FAM135B: variants seen among roughly 807,000 people sequenced by gnomAD.
The protein encoded by FAM135B is family with sequence similarity 135 member B.
Under a neutral mutation model 127.7 loss-of-function variants are expected in FAM135B, and 43 were observed. The observed-to-expected ratio is 0.34, with a 90% CI of 0.26 to 0.43. FAM135B has a LOEUF of 0.43. Among genes scored for constraint, FAM135B ranks in the 20% least tolerant of loss-of-function variants. The pLI is 1.00. For synonymous variants in FAM135B, 670 were observed against 665.1 expected (o/e 1.01, Z -0.11); for missense variants, 1,558 against 1,725.6 (o/e 0.90, Z 1.72).
chr8:138,491,167 A>AAAAAAAAAAAAAAAAAC (rs1564040507), intron 1 of FAM135B, among the ~76,000 whole-genome samples: 1 of 151,324 alleles, frequency 6.6e-6, no homozygotes, highest in African/African-American at 2.4e-5. Flanking sequence ...AAAGAAAGAA[A>AAAAAAAAAAAAAAAAAC]GAAAGAAAGA....
intron 7 of FAM135B, among the ~76,000 whole-genome samples, chr8:138,205,259 G>C (rs2129686980): frequency 6.6e-6 from 1 of 152,290 alleles, no homozygotes; most frequent in East Asian, 1.9e-4. Context: ...CCTTAAAAGG[G>C]TAAATAATGT....
Position 138,152,248 on chromosome 8 carries a change from T to C in FAM135B, c.2227A>G (p.Ile743Val), listed in dbSNP as rs2130762148. Reference protein sequence around the residue: ...TESNTSLPSGIQASLTSISSL... With the variant: ...TESNTSLPSGVQASLTSISSL... Reference sequence around the variant, plus strand: ...CTAATGGAGGTGAGAGAAGCCTGGATGCCGCTTGGCAAACTTGTGTTACTT... The same window carrying C: ...CTAATGGAGGTGAGAGAAGCCTGGACGCCGCTTGGCAAACTTGTGTTACTT... Residue 743 changes from isoleucine to valine, a missense_variant, in exon 13 of 20, where the codon ATC (isoleucine) becomes GTC (valine). Transcript: ENST00000395297. The C allele has an allele frequency of 6.2e-7, 1 of 1,614,154 alleles. No homozygotes were observed. The highest frequency in any genetic ancestry group is 8.5e-7 in the Non-Finnish European group (1 of 1,180,040).
intron 1 of FAM135B, among the ~76,000 whole-genome samples, chr8:138,369,625 A>G (rs935672325): frequency 6.6e-6 from 1 of 152,218 alleles, no homozygotes; most frequent in African/African-American, 2.4e-5. Flanking sequence ...CCATTTCCCA[A>G]TGAAGAGCCA....
intron 2 of FAM135B, among the ~76,000 whole-genome samples, chr8:138,357,919 G>A (rs1014257350): frequency 6.6e-6 from 1 of 152,108 alleles, no homozygotes; most frequent in Admixed American, 6.6e-5. Context: ...TAAACATGGT[G>A]TCCGTTAGTA....
rs2130564319 is a variant in FAM135B, at chr8:138,139,023, C to G, written c.3864G>C (p.Leu1288Phe). ...LQLTFRDNADLRKCFLYQLSQ... is the reference protein window; with the variant it reads ...LQLTFRDNADFRKCFLYQLSQ... ...TTAGTTGGTAGAGGAAACATTTGCG[C>G]AAATCAGCATTATCCCTGAAGGTCA... Residue 1288 changes from leucine to phenylalanine, a missense_variant, in exon 18 of 20, where the codon TTG becomes TTC. Transcript: ENST00000395297. The G allele has an allele frequency of 6.2e-7, 1 of 1,613,884 alleles. No homozygotes were observed. The highest frequency in any genetic ancestry group is 1.3e-5 in the African/African-American group (1 of 75,036).
intron 1 of FAM135B, among the ~76,000 whole-genome samples, chr8:138,423,434 A>C (rs1587416825): frequency 6.6e-6 from 1 of 152,154 alleles, no homozygotes; most frequent in Admixed American, 6.5e-5. Flanking sequence ...TACAAAAGAG[A>C]GAAATTTTAA....
chr8:138,446,999 T>G (rs1836206571), intron 1 of FAM135B, among the ~76,000 whole-genome samples: 1 of 152,136 alleles, frequency 6.6e-6, no homozygotes, highest in African/African-American at 2.4e-5. Context: ...GCGAAGGATA[T>G]GAACAGACAC....
At chr8:138,262,903 G>GAA (rs71316332) in intron 4 of FAM135B, among the ~76,000 whole-genome samples, 40,687 of 95,164 alleles carry the variant, frequency 0.43, 9,694 homozygotes, top group African/African-American at 0.51. Flanking sequence ...CTCTGTCTCA[G>GAA]AAAAAAAAAA....
chr8:138,173,468 T>C (rs1434200901), intron 11 of FAM135B, among the ~76,000 whole-genome samples: 1 of 152,162 alleles, frequency 6.6e-6, no homozygotes, highest in African/African-American at 2.4e-5. Context: ...TAAGATAAGT[T>C]ACTTAACCTC....
chr8:138,388,593 G>A (rs756538417), intron 1 of FAM135B, among the ~76,000 whole-genome samples: 2 of 152,166 alleles, frequency 1.3e-5, no homozygotes, highest in Admixed American at 6.5e-5. Context: ...CCATGTCGAG[G>A]CATGGAGGCA....
chr8:138,179,557 A>T (rs926951438), intron 9 of FAM135B, among the ~76,000 whole-genome samples: 1 of 152,168 alleles, frequency 6.6e-6, no homozygotes, highest in Non-Finnish European at 1.5e-5. Flanking sequence ...TCACCTTCGC[A>T]TAGTAAGTGT....
At position 138,465,814 on chromosome 8, in the gene FAM135B, G is replaced by A. The variant is rs912269674; in HGVS notation, c.-20+30857C>T. 4.1e-4 allele frequency among the ~76,000 whole-genome samples: 62 copies of A among 150,634 alleles called. 2 individuals are homozygous for A. The highest frequency in any genetic ancestry group is 3.3e-4 in the Admixed American group (5 of 15,074). Reference sequence around the variant, plus strand: ...TTTTTTTTAGATGGAGTCTCTCTCCGTTGCCCAGGCTGGAGTATGCAGTGG... The same window carrying A: ...TTTTTTTTAGATGGAGTCTCTCTCCATTGCCCAGGCTGGAGTATGCAGTGG... On this transcript the variant is annotated intron_variant, in intron 1 of 19. Transcript: ENST00000395297.
chr8:138,149,136 A>AAAAT (rs148497404), intron 13 of FAM135B, among the ~76,000 whole-genome samples: 92 of 127,706 alleles, frequency 7.2e-4, no homozygotes, highest in African/African-American at 2.3e-3. Flanking sequence ...TAATAATAAA[A>AAAAT]AAATAAATAA....
Position 138,132,388 on chromosome 8 carries a change from CAA to C in FAM135B, c.*203_*204del. Reference sequence around the variant, plus strand: ...CTCCAGGTAACTATACAAATTCAAGCAAAGTTTGTTGTCATTTAGTCTATTTG... The same window carrying C: ...CTCCAGGTAACTATACAAATTCAAGCAGTTTGTTGTCATTTAGTCTATTTG... On this transcript the variant is annotated 3_prime_UTR_variant, in exon 20 of 20. Coordinates refer to ENST00000395297, the MANE Select transcript of FAM135B (RefSeq NM_015912.4). The surrounding 1 kb of genome is among the most constrained non-coding windows in gnomAD (Gnocchi z 4.5). 1 of 551,806 alleles carries C rather than the reference CAA, an allele frequency of 1.8e-6. No homozygotes were observed. Among genetic ancestry groups the C allele is most frequent in the East Asian group, 3.0e-5 (1 of 32,836 alleles). The allele number at this position is 551,806 out of a possible 1,614,324, so 34.2% of individuals were successfully genotyped here.
chr8:138,372,617 G>T (rs1738404074), intron 1 of FAM135B, among the ~76,000 whole-genome samples: 1 of 152,066 alleles, frequency 6.6e-6, no homozygotes, highest in South Asian at 2.1e-4. Flanking sequence ...CTACTTCCTG[G>T]AGTACTGCAA....
At chr8:138,415,167 G>A (rs1000509) in intron 1 of FAM135B, among the ~76,000 whole-genome samples, 13,264 of 152,164 alleles carry the variant, frequency 0.087, 991 homozygotes, top group East Asian at 0.26. Flanking sequence ...CAACCTCACA[G>A]AAAAGTGAGG....
intron 2 of FAM135B, among the ~76,000 whole-genome samples, chr8:138,315,805 A>C (rs1056517064): frequency 6.6e-6 from 1 of 152,240 alleles, no homozygotes; most frequent in Admixed American, 6.5e-5. Context: ...TTTTTAAAAA[A>C]GGAAGTCAAA....
At chr8:138,357,094 G>C (rs375803216) in intron 2 of FAM135B, among the ~76,000 whole-genome samples, 1 of 152,100 alleles carries the variant, frequency 6.6e-6, no homozygotes, top group Admixed American at 6.6e-5. Flanking sequence ...CAAGCAGCAA[G>C]ATGTATTCAT....
chr8:138,493,227 C>T (rs779762554), intron 1 of FAM135B, among the ~76,000 whole-genome samples: 32 of 152,192 alleles, frequency 2.1e-4, no homozygotes, highest in Middle Eastern at 6.8e-3. Flanking sequence ...TAGCGATGTC[C>T]GTGAATCTCT....
Sources: allele counts gnomAD v4.1 joint callset (sites outside exome capture counted in the v4.1 genomes callset), GRCh38; gene constraint gnomAD v4.1.1; non-coding constraint Gnocchi (gnomAD v3.1); transcripts MANE v1.5; gene names NCBI Gene and HGNC (gene_info 2026-07-23, HGNC 2026-07-21).